Variants in ARID3A observed in about 807,000 individuals in gnomAD.
ARID3A encodes AT-rich interactive domain-containing protein 3A.
A neutral mutation model predicts 52.7 loss-of-function variants in ARID3A; 11 were observed. That is an observed-to-expected ratio of 0.21 (90% confidence interval 0.13 to 0.35). ARID3A has a LOEUF of 0.35. Among genes scored for constraint, ARID3A ranks in the 10% least tolerant of loss-of-function variants. The pLI is 1.00. For missense variants in ARID3A, 721 were observed against 838.5 expected (o/e 0.86, Z 1.73); for synonymous variants, 404 against 359.4 (o/e 1.12, Z -1.40).
intron 8 of ARID3A, among the ~76,000 whole-genome samples, chr19:970,771 C>A (rs918618349): frequency 6.6e-6 from 1 of 151,908 alleles, no homozygotes; most frequent in African/African-American, 2.4e-5. Flanking sequence ...CCACACCCGG[C>A]GGTAAATGAA....
chr19:961,052 G>A (rs1453500119), intron 4 of ARID3A, among the ~76,000 whole-genome samples: 3 of 152,162 alleles, frequency 2.0e-5, no homozygotes, highest in African/African-American at 7.2e-5. Context: ...AGGAGCGTCT[G>A]CTGCCAGGTA....
intron 2 of ARID3A, among the ~76,000 whole-genome samples, chr19:930,530 ACAGAGTCTTG>A (rs1469349360): frequency 7.0e-6 from 1 of 143,232 alleles, no homozygotes; most frequent in East Asian, 2.1e-4. Context: ...TTTTTTTTAG[ACAGAGTCTTG>A]CTCTTTTCGC....
At position 959,557 on chromosome 19, in the gene ARID3A, C is replaced by T. The variant is rs113076268; in HGVS notation, c.694-535C>T. Among the ~76,000 whole-genome samples the T allele has an allele frequency of 1.2e-4, 19 of 152,256 alleles. No homozygotes were observed. Among genetic ancestry groups the T allele is most frequent in the African/African-American group, 3.4e-4 (14 of 41,550 alleles). On this transcript the variant is annotated intron_variant, in intron 3 of 8. Coordinates refer to ENST00000263620, the MANE Select transcript of ARID3A (RefSeq NM_005224.3). This position sits in a 1 kb window ranked among gnomAD's most constrained non-coding sequence, Gnocchi z 5.0. ...AGGTGCTGGGATTACAGGTGTGAGCCGCCACCCTGAAGAGAAGTTGGTTTT... is the reference window on the plus strand; with the variant it reads ...AGGTGCTGGGATTACAGGTGTGAGCTGCCACCCTGAAGAGAAGTTGGTTTT...
At position 973,824 on chromosome 19, in the gene ARID3A, G is replaced by A. The variant is rs2038329506; in HGVS notation, c.*1759G>A. On this transcript the variant is annotated 3_prime_UTR_variant, in exon 9 of 9. Transcript: ENST00000263620. The stretch of plus-strand genomic sequence containing the variant: ...CTGGCTTGGAGAAAGTGGGGTCACC[G>A]CAGCTGAGCTGGGGGGTTATTTTGG... 4.3e-6 allele frequency: 1 copy of A among 229,918 alleles called. No individual in the cohort carries two copies. The highest frequency in any genetic ancestry group is 2.2e-5 in the African/African-American group (1 of 45,246). The allele number at this position is 229,918 out of a possible 1,614,324, so 14.2% of individuals were successfully genotyped here.
chr19:963,122 A>G (rs2038077791), intron 4 of ARID3A, among the ~76,000 whole-genome samples: 1 of 152,268 alleles, frequency 6.6e-6, no homozygotes, highest in Non-Finnish European at 1.5e-5. Flanking sequence ...GGCCTCGACC[A>G]GGCAGAGGGC....
intron 3 of ARID3A, among the ~76,000 whole-genome samples, chr19:939,533 G>A (rs1012338098): frequency 1.3e-5 from 2 of 152,132 alleles, no homozygotes; most frequent in East Asian, 1.9e-4. Flanking sequence ...GGCATGAGCC[G>A]CATGTTCTCC....
chr19:948,563 C>T (rs2037735181), intron 3 of ARID3A, among the ~76,000 whole-genome samples: 1 of 152,074 alleles, frequency 6.6e-6, no homozygotes, highest in African/African-American at 2.4e-5. Flanking sequence ...GGTCCTCCTG[C>T]CCCCCGTGCC....
At chr19:954,753 A>T (rs1290021957) in intron 3 of ARID3A, among the ~76,000 whole-genome samples, 2 of 150,822 alleles carry the variant, frequency 1.3e-5, no homozygotes, top group Admixed American at 6.6e-5. Flanking sequence ...GGGGACCCAG[A>T]CGAAGGGAAG....
rs2037706065 is a variant in ARID3A, at chr19:947,253, G to A, written c.694-12839G>A. On this transcript the variant is annotated intron_variant, in intron 3 of 8. Transcript: ENST00000263620. The surrounding 1 kb of genome is among the most constrained non-coding windows in gnomAD (Gnocchi z 6.3). ...GAAACGGGTTTCCTGGCAGATAGAG[G>A]GGCTGCTTAAGGCCAGTGCCCTCGG... 6.6e-6 allele frequency among the ~76,000 whole-genome samples: 1 copy of A among 152,208 alleles called. No individual in the cohort carries two copies. Among genetic ancestry groups the A allele is most frequent in the African/African-American group, 2.4e-5 (1 of 41,462 alleles).
rs976831734 is a variant in ARID3A, at chr19:942,830, G to A, written c.693+10088G>A. ...GAGAGCAAGTAAGAACCCGCCTTCCGGGAGGAGCCCCGTCTGGATTGGATG... is the reference window on the plus strand; with the variant it reads ...GAGAGCAAGTAAGAACCCGCCTTCCAGGAGGAGCCCCGTCTGGATTGGATG... On this transcript the variant is annotated intron_variant, in intron 3 of 8. Transcript: ENST00000263620. This position sits in a 1 kb window ranked among gnomAD's most constrained non-coding sequence, Gnocchi z 8.1. 1.3e-5 allele frequency among the ~76,000 whole-genome samples: 2 copies of A among 152,182 alleles called. No individual in the cohort carries two copies. The highest frequency in any genetic ancestry group is 4.8e-5 in the African/African-American group (2 of 41,442).
Position 971,943 on chromosome 19 carries a change from G to A in ARID3A, c.1660G>A (p.Gly554Ser), listed in dbSNP as rs200079740. Residue 554 changes from glycine (G) to serine (S), a missense_variant, in exon 9 of 9, where the codon GGC becomes AGC. Transcript: ENST00000263620. ...TSAPNKGGGG[G>S]GGSSSNAGGR... is the part of the protein sequence containing the mutation. Reference sequence around the variant, plus strand: ...TGCTCCCAACAAAGGAGGCGGCGGCGGCGGCGGCAGCAGCAGCAACGCAGG... The same window carrying A: ...TGCTCCCAACAAAGGAGGCGGCGGCAGCGGCGGCAGCAGCAGCAACGCAGG... 356 of 1,600,502 alleles carry A rather than the reference G, an allele frequency of 2.2e-4. 3 individuals are homozygous for A. The highest frequency in any genetic ancestry group is 1.8e-3 in the East Asian group (78 of 43,308).
chr19:930,222 C>G (rs1031603693), intron 2 of ARID3A, among the ~76,000 whole-genome samples: 1 of 151,268 alleles, frequency 6.6e-6, no homozygotes, highest in Non-Finnish European at 1.5e-5. Context: ...TGCACTCCAG[C>G]CTGGATGACA....
intron 3 of ARID3A, among the ~76,000 whole-genome samples, chr19:948,624 T>G (rs1238816770): frequency 6.6e-6 from 1 of 152,004 alleles, no homozygotes; most frequent in Non-Finnish European, 1.5e-5. Context: ...TCCTTCTTCA[T>G]TCCTGCCTCA....
chr19:967,726 T>C (rs1299533734), intron 7 of ARID3A, among the ~76,000 whole-genome samples: 1 of 152,064 alleles, frequency 6.6e-6, no homozygotes, highest in African/African-American at 2.4e-5. Flanking sequence ...AAACAGAACA[T>C]GTCACAGGTG....
At chr19:928,110 GGAGCT>G (rs2037238941) in intron 1 of ARID3A, 1 of 149,598 alleles carries the variant, frequency 6.7e-6, no homozygotes, top group Non-Finnish European at 1.5e-5. Flanking sequence ...TGTCTGCCCA[GGAGCT>G]GTGTATGAGT....
At chr19:930,822 CTT>C (rs2037311760) in intron 2 of ARID3A, among the ~76,000 whole-genome samples, 2 of 151,310 alleles carry the variant, frequency 1.3e-5, no homozygotes, top group Non-Finnish European at 2.9e-5. Context: ...TTTGTTTCAT[CTT>C]AGTTAACTTA....
At chr19:969,861 T>C (rs2145473034) in intron 8 of ARID3A, among the ~76,000 whole-genome samples, 1 of 151,678 alleles carries the variant, frequency 6.6e-6, no homozygotes, top group Admixed American at 6.6e-5. Context: ...GCTAATTTTT[T>C]TTTGTATTTT....
Position 972,276 on chromosome 19 carries a change from A to T in ARID3A, c.*211A>T, listed in dbSNP as rs1414755345. Reference sequence around the variant, plus strand: ...GTATATATATAAAGAGAATTTAATAAAACAGGGGAAAACCAAGGAACACTT... The same window carrying T: ...GTATATATATAAAGAGAATTTAATATAACAGGGGAAAACCAAGGAACACTT... On this transcript the variant is annotated 3_prime_UTR_variant, in exon 9 of 9. Coordinates refer to ENST00000263620, the MANE Select transcript of ARID3A (RefSeq NM_005224.3). 1 of 229,930 alleles carries T rather than the reference A, an allele frequency of 4.3e-6. No individual in the cohort carries two copies. Among genetic ancestry groups the T allele is most frequent in the Non-Finnish European group, 8.4e-6 (1 of 119,266 alleles). 14.2% of individuals were successfully genotyped at this position (229,930 alleles called of 1,614,324 possible). A position where few individuals can be genotyped will look rare whatever the true frequency, so the allele number is the denominator to read the frequency against.
At chr19:958,917 T>C (rs981390036) in intron 3 of ARID3A, among the ~76,000 whole-genome samples, 1 of 152,044 alleles carries the variant, frequency 6.6e-6, no homozygotes, top group South Asian at 2.1e-4. Context: ...ATATTTCTTG[T>C]GCACCTTTTC....
Sources: allele counts gnomAD v4.1 joint callset (sites outside exome capture counted in the v4.1 genomes callset), GRCh38; gene constraint gnomAD v4.1.1; non-coding constraint Gnocchi (gnomAD v3.1); transcripts MANE v1.5; gene names NCBI Gene and HGNC (gene_info 2026-07-23, HGNC 2026-07-21).